Variants in TMEM178B observed in about 807,000 individuals in gnomAD.
TMEM178B encodes transmembrane protein 178B.
TMEM178B carries 5 observed loss-of-function variants against 31.0 expected under a neutral mutation model. That is an observed-to-expected ratio of 0.16 (90% confidence interval 0.08 to 0.34). The LOEUF (loss-of-function observed/expected upper bound fraction) is 0.34. Among genes scored for constraint, TMEM178B ranks in the 10% least tolerant of loss-of-function variants. The pLI is 1.00. For missense variants in TMEM178B, 275 were observed against 400.3 expected (o/e 0.69, Z 2.67); for synonymous variants, 164 against 164.0 (o/e 1.00, Z 0.00).
intron 1 of TMEM178B, among the ~76,000 whole-genome samples, chr7:141,144,145 A>G (rs1179792687): frequency 6.6e-6 from 1 of 152,184 alleles, no homozygotes; most frequent in African/African-American, 2.4e-5. Context: ...TTTTCTAGGT[A>G]TAGAATCATA....
At chr7:141,208,490 C>T (rs1327853917) in intron 1 of TMEM178B, among the ~76,000 whole-genome samples, 1 of 152,262 alleles carries the variant, frequency 6.6e-6, no homozygotes, top group African/African-American at 2.4e-5. Flanking sequence ...ACTGACAGGA[C>T]CTGCAGACAC....
chr7:141,399,920 G>A (rs1432406651), intron 2 of TMEM178B, among the ~76,000 whole-genome samples: 3 of 151,892 alleles, frequency 2.0e-5, no homozygotes, highest in Admixed American at 6.6e-5. Context: ...TAAGTGCACC[G>A]GTATTCTCCA....
chr7:141,356,738 G>A (rs1311115741), intron 2 of TMEM178B, among the ~76,000 whole-genome samples: 1 of 151,180 alleles, frequency 6.6e-6, no homozygotes, highest in African/African-American at 2.4e-5. Flanking sequence ...ATGGCCTCTT[G>A]GTCATTGATC....
chr7:141,184,634 G>T (rs765024109), intron 1 of TMEM178B, among the ~76,000 whole-genome samples: 1 of 152,080 alleles, frequency 6.6e-6, no homozygotes, highest in Non-Finnish European at 1.5e-5. Context: ...TTGGCTGTGG[G>T]CTCTTTGTTT....
At chr7:141,392,115 G>A (rs1277069505) in intron 2 of TMEM178B, among the ~76,000 whole-genome samples, 1 of 151,722 alleles carries the variant, frequency 6.6e-6, no homozygotes, top group Non-Finnish European at 1.5e-5. Flanking sequence ...TTTTAGGCAT[G>A]TACAAAAGTT....
intron 1 of TMEM178B, among the ~76,000 whole-genome samples, chr7:141,193,806 C>G (rs1796736511): frequency 6.6e-6 from 1 of 152,232 alleles, no homozygotes; most frequent in South Asian, 2.1e-4. Context: ...CCAAGGGCCC[C>G]CTGCAGGACC....
intron 2 of TMEM178B, among the ~76,000 whole-genome samples, chr7:141,346,115 G>A (rs1161515581): frequency 1.3e-5 from 2 of 152,018 alleles, no homozygotes; most frequent in African/African-American, 4.8e-5. Flanking sequence ...CAGCTACTCG[G>A]GAGGCTGAGG....
intron 2 of TMEM178B, among the ~76,000 whole-genome samples, chr7:141,228,262 CT>C (rs921688747): frequency 6.6e-6 from 1 of 151,882 alleles, no homozygotes; most frequent in African/African-American, 2.4e-5. Flanking sequence ...AAGGTCCTTG[CT>C]TTTTTTTCCT....
At chr7:141,166,671 A>G (rs983092193) in intron 1 of TMEM178B, among the ~76,000 whole-genome samples, 5 of 152,198 alleles carry the variant, frequency 3.3e-5, no homozygotes, top group African/African-American at 1.2e-4. Context: ...CTTGTCTTTC[A>G]TGTATCAGGT....
intron 2 of TMEM178B, among the ~76,000 whole-genome samples, chr7:141,391,894 A>G (rs1272327939): frequency 6.6e-6 from 1 of 152,188 alleles, no homozygotes; most frequent in African/African-American, 2.4e-5. Flanking sequence ...ATTTCATTAT[A>G]TGTGCGTGCC....
intron 1 of TMEM178B, among the ~76,000 whole-genome samples, chr7:141,207,423 C>G (rs1036660250): frequency 6.6e-6 from 1 of 152,204 alleles, no homozygotes; most frequent in Non-Finnish European, 1.5e-5. Context: ...AAGAGTTTCG[C>G]TTTCTCCGCC....
intron 1 of TMEM178B, among the ~76,000 whole-genome samples, chr7:141,203,099 C>T (rs1039945787): frequency 1.3e-5 from 2 of 152,186 alleles, no homozygotes; most frequent in Admixed American, 1.3e-4. Context: ...GATAAATGGC[C>T]TTCTTAATGT....
At chr7:141,397,106 G>T (rs1800671406) in intron 2 of TMEM178B, among the ~76,000 whole-genome samples, 1 of 152,178 alleles carries the variant, frequency 6.6e-6, no homozygotes, top group East Asian at 1.9e-4. Context: ...TTCATTGAAG[G>T]TTGAGGGCTG....
chr7:141,464,373 A>G (rs1464473776), intron 3 of TMEM178B, among the ~76,000 whole-genome samples: 2 of 152,152 alleles, frequency 1.3e-5, no homozygotes, highest in African/African-American at 4.8e-5. Flanking sequence ...GGAACCTTAC[A>G]GTCCTCTACT....
chr7:141,215,784 T>TTCTTTC (rs1460275382), intron 2 of TMEM178B, among the ~76,000 whole-genome samples: 1 of 53,276 alleles, frequency 1.9e-5, no homozygotes, highest in African/African-American at 8.5e-5. Flanking sequence ...TTTCCTTTCT[T>TTCTTTC]TCTTTCTTTC....
intron 1 of TMEM178B, among the ~76,000 whole-genome samples, chr7:141,194,508 A>T (rs1373874874): frequency 6.6e-6 from 1 of 152,190 alleles, no homozygotes; most frequent in African/African-American, 2.4e-5. Context: ...GGTCATGTTG[A>T]TGCTAGAGGT....
rs912556548 is a variant in TMEM178B, at chr7:141,342,316, C to T, written c.497-95292C>T. ...GATCCTTCAGTATCATTGGTTCTAA[C>T]CTTCCCGATGTGGATAAGTGAATCA... On this transcript the variant is annotated intron_variant, in intron 2 of 3. Coordinates refer to ENST00000565468, the MANE Select transcript of TMEM178B (RefSeq NM_001195278.2). Among the ~76,000 whole-genome samples the T allele has an allele frequency of 3.3e-5, 5 of 152,212 alleles. No homozygotes were observed. In the South Asian group the frequency reaches 6.2e-4, roughly 19 times the overall value.
intron 3 of TMEM178B, among the ~76,000 whole-genome samples, chr7:141,442,805 G>T (rs1434543641): frequency 6.6e-6 from 1 of 152,194 alleles, no homozygotes; most frequent in Non-Finnish European, 1.5e-5. Context: ...CAAAACGTTT[G>T]TGGTGTTTTC....
At chr7:141,372,277 C>T (rs1800131492) in intron 2 of TMEM178B, among the ~76,000 whole-genome samples, 1 of 152,164 alleles carries the variant, frequency 6.6e-6, no homozygotes, top group African/African-American at 2.4e-5. Context: ...CTCTTGGTGA[C>T]CTACAGCTGC....
Sources: allele counts gnomAD v4.1 joint callset (sites outside exome capture counted in the v4.1 genomes callset), GRCh38; gene constraint gnomAD v4.1.1; transcripts MANE v1.5; gene names NCBI Gene and HGNC (gene_info 2026-07-23, HGNC 2026-07-21).